The following HPSE2 variants were observed in gnomAD, a reference collection of about 807,000 sequenced individuals.
HPSE2 encodes the protein inactive heparanase-2.
Under a neutral mutation model 60.5 loss-of-function variants are expected in HPSE2, and 38 were observed. The ratio of observed to expected loss-of-function variants is 0.63; its 90% confidence interval spans 0.48 to 0.82. The LOEUF is 0.82. HPSE2 is among the 40% of genes least tolerant of loss of function. HPSE2 has a pLI of 0.00. For synonymous variants in HPSE2, 295 were observed against 293.2 expected (o/e 1.01, Z -0.06); for missense variants, 713 against 740.4 (o/e 0.96, Z 0.43).
chr10:98,674,951 T>G (rs527634932), intron 6 of HPSE2, among the ~76,000 whole-genome samples: 40 of 152,138 alleles, frequency 2.6e-4, no homozygotes, highest in Non-Finnish European at 4.9e-4. Context: ...ATGAATGTGT[T>G]CTATGGATCA....
chr10:99,249,967 C>A, the HPSE2 span, among the ~76,000 whole-genome samples: 2 of 151,944 alleles, frequency 1.3e-5, no homozygotes, highest in South Asian at 2.1e-4. Flanking sequence ...CATGGTGAAA[C>A]CCTGTCTCTA....
chr10:99,153,772 G>A lies in HPSE2; in HGVS notation c.449-9373C>T, dbSNP rs1846393458. 2.0e-5 allele frequency among the ~76,000 whole-genome samples: 3 copies of A among 152,240 alleles called. 1 individual carries two copies. Among genetic ancestry groups the A allele is most frequent in the East Asian group, 1.9e-4 (1 of 5,206 alleles). On this transcript the variant is annotated intron_variant, in intron 2 of 11. Transcript: ENST00000370552. ...ACGGAGAATGACTTTGACGAGCTGA[G>A]AGAAGAAGGCTTCAGACGATCAAAT...
intron 3 of HPSE2, among the ~76,000 whole-genome samples, chr10:98,812,085 C>G (rs1481761581): frequency 6.6e-6 from 1 of 152,054 alleles, no homozygotes; most frequent in Non-Finnish European, 1.5e-5. Flanking sequence ...CTAGACAATC[C>G]AGCTTTCATT....
chr10:98,708,208 G>C (rs951398858), intron 5 of HPSE2, among the ~76,000 whole-genome samples: 2 of 152,090 alleles, frequency 1.3e-5, no homozygotes, highest in African/African-American at 2.4e-5. Context: ...TGTAATCCCA[G>C]TACTTTGGGA....
At chr10:98,591,963 C>T (rs1414799221) in intron 9 of HPSE2, among the ~76,000 whole-genome samples, 1 of 152,140 alleles carries the variant, frequency 6.6e-6, no homozygotes, top group African/African-American at 2.4e-5. Context: ...AAGGATAAAA[C>T]ACTTTTAGGC....
chr10:98,712,158 T>C (rs1948689847), intron 5 of HPSE2, among the ~76,000 whole-genome samples: 1 of 152,046 alleles, frequency 6.6e-6, no homozygotes, highest in Non-Finnish European at 1.5e-5. Context: ...TCGAAGTCTA[T>C]GTTTCAGGAC....
At chr10:99,184,819 T>TATATATATATATATATAGAG (rs1554912295) in intron 2 of HPSE2, among the ~76,000 whole-genome samples, 1 of 19,866 alleles carries the variant, frequency 5.0e-5, no homozygotes, top group Non-Finnish European at 9.9e-5. Flanking sequence ...TATATATATA[T>TATATATATATATATATAGAG]AGAGAGAGAG....
chr10:98,549,555 T>C (rs1471625684), intron 9 of HPSE2, among the ~76,000 whole-genome samples: 2 of 152,190 alleles, frequency 1.3e-5, no homozygotes, highest in Non-Finnish European at 2.9e-5. Flanking sequence ...TGGGTCTCCC[T>C]TGCAGCACTG....
chr10:98,555,956 G>C (rs1221402517), intron 9 of HPSE2, among the ~76,000 whole-genome samples: 5 of 152,164 alleles, frequency 3.3e-5, no homozygotes, highest in Non-Finnish European at 5.9e-5. Context: ...AGCCTTGAAA[G>C]CATACTAAGA....
At chr10:98,466,047 G>T (rs557838309) in intron 11 of HPSE2, among the ~76,000 whole-genome samples, 1 of 152,164 alleles carries the variant, frequency 6.6e-6, no homozygotes, top group African/African-American at 2.4e-5. Context: ...CCGCCCACCT[G>T]TCTACAGTCT....
chr10:98,826,588 T>C (rs1019908927), intron 3 of HPSE2, among the ~76,000 whole-genome samples: 2 of 152,206 alleles, frequency 1.3e-5, no homozygotes, highest in Admixed American at 6.5e-5. Flanking sequence ...CTTACAAAAC[T>C]GGCAGCTTCC....
intron 9 of HPSE2, among the ~76,000 whole-genome samples, chr10:98,547,491 T>G (rs1260450248): frequency 2.0e-5 from 3 of 149,342 alleles, no homozygotes; most frequent in Non-Finnish European, 4.5e-5. Flanking sequence ...AATGATGAGT[T>G]CATGTCCTTT....
At chr10:99,312,478 T>C in the HPSE2 span, among the ~76,000 whole-genome samples, 2 of 152,228 alleles carry the variant, frequency 1.3e-5, no homozygotes, top group Admixed American at 6.5e-5. Context: ...AATATTCCAT[T>C]TTGTTGTCAC....
intron 3 of HPSE2, among the ~76,000 whole-genome samples, chr10:98,954,290 G>T (rs114767732): frequency 0.013 from 2,043 of 152,078 alleles, 38 homozygotes; most frequent in African/African-American, 0.046. Flanking sequence ...CTAGGCGAGA[G>T]AGTGAGACTC....
intron 4 of HPSE2, among the ~76,000 whole-genome samples, chr10:98,731,223 G>A (rs1949219434): frequency 6.6e-6 from 1 of 152,128 alleles, no homozygotes; most frequent in African/African-American, 2.4e-5. Context: ...GAGGTGGAGT[G>A]AGCCGAGATT....
At chr10:99,044,258 G>T (rs1957805220) in intron 3 of HPSE2, among the ~76,000 whole-genome samples, 1 of 152,152 alleles carries the variant, frequency 6.6e-6, no homozygotes, top group East Asian at 1.9e-4. Context: ...GCCAAACTAA[G>T]CTTGAAATGT....
chr10:99,174,905 C>T (rs533630953), intron 2 of HPSE2, among the ~76,000 whole-genome samples: 1 of 152,280 alleles, frequency 6.6e-6, no homozygotes, highest in East Asian at 1.9e-4. Flanking sequence ...CATTTCCAAC[C>T]GAGGTATCCG....
At chr10:98,528,806 G>A (rs1185562218) in intron 9 of HPSE2, among the ~76,000 whole-genome samples, 6 of 152,168 alleles carry the variant, frequency 3.9e-5, no homozygotes, top group African/African-American at 1.4e-4. Context: ...TGGGCTTTAC[G>A]GTTACTGTGA....
intron 3 of HPSE2, among the ~76,000 whole-genome samples, chr10:98,914,000 G>A (rs1374292498): frequency 6.6e-6 from 1 of 152,160 alleles, no homozygotes; most frequent in South Asian, 2.1e-4. Flanking sequence ...TGAAAATGGA[G>A]GATTTAGTAC....
Sources: allele counts gnomAD v4.1 joint callset (sites outside exome capture counted in the v4.1 genomes callset), GRCh38; gene constraint gnomAD v4.1.1; transcripts MANE v1.5; gene names NCBI Gene and HGNC (gene_info 2026-07-23, HGNC 2026-07-21).